Variants in MYO15A observed in about 807,000 individuals in gnomAD.
The protein encoded by MYO15A is unconventional myosin-XV.
MYO15A carries 308 observed loss-of-function variants against 394.6 expected under a neutral mutation model. That is an observed-to-expected ratio of 0.78 (90% CI 0.71 to 0.86). MYO15A has a LOEUF of 0.86. MYO15A is among the 40% of genes least tolerant of loss of function. The probability of loss-of-function intolerance (pLI) is 0.00; values close to 1 mark genes in which losing one functional copy is unlikely to be tolerated. For missense variants in MYO15A, 4,606 were observed against 4,799.1 expected (o/e 0.96, Z 1.19); for synonymous variants, 1,957 against 2,003.8 (o/e 0.98, Z 0.62).
Position 18,153,797 on chromosome 17 carries a change from G to T in MYO15A, c.7989G>T (p.Glu2663Asp), listed in dbSNP as rs773408086. Residue 2663 changes from glutamate (E) to aspartate (D), a missense_variant, in exon 43 of 66, where the codon GAG (glutamate) becomes GAT (aspartate). Around this residue, in one of 2 missense-constraint regions of MYO15A, gnomAD observed 2,776 missense variants for 3,109.3 expected, o/e 0.89. Transcript: ENST00000647165. This position sits in a 1 kb window ranked among gnomAD's most constrained non-coding sequence, Gnocchi z 4.1. The stretch of plus-strand genomic sequence containing the variant: ...CAGCTCTGCCCTCGCGATCGCTGGA[G>T]CCCCCTGAGGAACTCACGCAGACGC... ...PTSALPSRSL[E>D]PPEELTQTRL... is the part of the protein sequence containing the mutation. 1.2e-6 allele frequency: 2 copies of T among 1,613,672 alleles called. No individual in the cohort carries two copies. Among genetic ancestry groups the T allele is most frequent in the African/African-American group, 1.3e-5 (1 of 75,030 alleles).
intron 1 of MYO15A, among the ~76,000 whole-genome samples, chr17:18,114,068 C>A (rs922176381): frequency 6.6e-6 from 1 of 152,024 alleles, no homozygotes; most frequent in African/African-American, 2.4e-5. Flanking sequence ...AAGAGAGATC[C>A]CCAGGGGTGG....
chr17:18,122,678 G>A (rs976745671), intron 2 of MYO15A: 30 of 514,446 alleles, frequency 5.8e-5, no homozygotes, highest in Non-Finnish European at 9.5e-5. Context: ...GTTCATATTC[G>A]GCTTGGGCCC....
chr17:18,165,867 C>G (rs1267903318), intron 60 of MYO15A, among the ~76,000 whole-genome samples: 1 of 152,170 alleles, frequency 6.6e-6, no homozygotes, highest in Admixed American at 6.5e-5. Context: ...GGCTCAGACC[C>G]CAGTCCTCCC....
In MYO15A at chr17:18,158,851, T is replaced by A; in HGVS notation, c.9084-74T>A. ...GGGTCAAGAACCCCCTCCCTGGGGG[T>A]TCTTTCCCATGTGGAAAAGGATGTA... On this transcript the variant is annotated intron_variant, in intron 52 of 65. Transcript: ENST00000647165. The A allele has an allele frequency of 3.8e-6, 6 of 1,570,810 alleles. No homozygotes were observed. The South Asian group carries it at 5.5e-5, about 15-fold the overall frequency.
intron 65 of MYO15A, among the ~76,000 whole-genome samples, chr17:18,174,869 G>C (rs1379413889): frequency 6.6e-6 from 1 of 152,166 alleles, no homozygotes; most frequent in African/African-American, 2.4e-5. Context: ...AAGAGAGAGA[G>C]ACTTCCACTG....
In MYO15A at chr17:18,135,723, G is replaced by A. The variant is rs371661351; in HGVS notation, c.4495G>A (p.Glu1499Lys). The A allele has an allele frequency of 6.2e-6, 10 of 1,614,054 alleles. No individual in the cohort carries two copies. The Admixed American group carries it at 6.7e-5, about 11-fold the overall frequency. ...GTATTTTGCATAGACGGATGCACAG[G>A]AGGTGGCCTCAGTGGTGAGTGCCCG... ...YFEKYETDAQ[E>K]VASVVSAREI... Residue 1499 changes from glutamate to lysine, a missense_variant, in exon 13 of 66, where the codon GAG becomes AAG. Around this residue, in one of 2 missense-constraint regions of MYO15A, gnomAD observed 2,776 missense variants for 3,109.3 expected, o/e 0.89. Transcript: ENST00000647165.
In MYO15A at chr17:18,121,302, C is replaced by A. The variant is rs2045924725; in HGVS notation, c.2502C>A (p.Gly834=). 6 of 1,333,068 alleles carry A rather than the reference C, an allele frequency of 4.5e-6. No individual in the cohort carries two copies. The South Asian group carries it at 1.1e-4, about 24-fold the overall frequency. 82.6% of individuals were successfully genotyped at this position (1,333,068 alleles called of 1,614,324 possible). ...CACGCCGAGCCGCTGGGCGCCTGGGCCCACCCGGCTCGCCGCTGCCGGGCT... is the reference window on the plus strand; with the variant it reads ...CACGCCGAGCCGCTGGGCGCCTGGGACCACCCGGCTCGCCGCTGCCGGGCT... The part of the protein sequence containing the change: ...PAPRRAAGRL[G]PPGSPLPGSP... The change falls in exon 2 of 66, where the codon GGC becomes GGA. Residue 834 remains glycine, a synonymous_variant. Transcript: ENST00000647165. This position sits in a 1 kb window ranked among gnomAD's most constrained non-coding sequence, Gnocchi z 5.3.
Position 18,142,854 on chromosome 17 carries a change from C to G in MYO15A, c.5910+14C>G. ...CGCTATCTCAAGGTATAGGCCCTAC[C>G]CTATCTGGGTCCAAGGGGACAGCAG... On this transcript the variant is annotated intron_variant, in intron 25 of 65. Transcript: ENST00000647165. 1 of 1,604,646 alleles carries G rather than the reference C, an allele frequency of 6.2e-7. No individual in the cohort carries two copies. The highest frequency in any genetic ancestry group is 1.1e-5 in the South Asian group (1 of 89,428).
intron 62 of MYO15A, among the ~76,000 whole-genome samples, chr17:18,169,203 T>G (rs1279205749): frequency 6.6e-6 from 1 of 150,486 alleles, no homozygotes; most frequent in East Asian, 1.9e-4. Context: ...TCCCAGCACT[T>G]TGGGAGGTCG....
At chr17:18,155,061 T>C in intron 45 of MYO15A, 49 bp from the exon 46 acceptor site, 1 of 1,541,856 alleles carries the variant, frequency 6.5e-7, no homozygotes, top group Non-Finnish European at 8.9e-7. Flanking sequence ...GAGATGGGGG[T>C]TGCCAGGGGA....
intron 62 of MYO15A, among the ~76,000 whole-genome samples, chr17:18,171,417 C>A (rs1286463456): frequency 6.6e-6 from 1 of 152,214 alleles, no homozygotes; most frequent in Non-Finnish European, 1.5e-5. Flanking sequence ...GTTCCCTTAA[C>A]TGCAAACAGG....
Position 18,179,209 on chromosome 17 carries a change from A to G in MYO15A, c.*339A>G, listed in dbSNP as rs2047056529. ...CTCCTGCCTATGACACAGAAGCCCC[A>G]CACCAGTTGCCCAGATGAACTGGCC... On this transcript the variant is annotated 3_prime_UTR_variant, in exon 66 of 66. Transcript: ENST00000647165. 1.4e-5 allele frequency: 6 copies of G among 421,342 alleles called. No homozygotes were observed. Among genetic ancestry groups the G allele is most frequent in the Non-Finnish European group, 4.5e-6 (1 of 224,072 alleles). 26.1% of individuals were successfully genotyped at this position (421,342 alleles called of 1,614,324 possible).
At chr17:18,140,969 T>G (rs749129147) in intron 21 of MYO15A, 50 bp from the exon 22 acceptor site, 18 of 1,613,064 alleles carry the variant, frequency 1.1e-5, no homozygotes, top group Non-Finnish European at 1.5e-5. Context: ...TAATGCCTTT[T>G]GCACATGGCT....
intron 57 of MYO15A, among the ~76,000 whole-genome samples, chr17:18,162,211 G>A (rs370164649): frequency 6.6e-6 from 1 of 152,156 alleles, no homozygotes. Context: ...GCAGCTGGCA[G>A]GGTATCCCAG....
intron 7 of MYO15A, 132 bp from the exon 8 acceptor site, chr17:18,130,673 C>A: frequency 6.6e-7 from 1 of 1,505,822 alleles, no homozygotes; most frequent in Non-Finnish European, 9.1e-7. Flanking sequence ...GTCTCTGAGC[C>A]TCACAGGTTT....
chr17:18,158,848 G>A lies in MYO15A; in HGVS notation c.9084-77G>A. 2.6e-6 allele frequency: 4 copies of A among 1,560,994 alleles called. No homozygotes were observed. The South Asian group carries it at 3.3e-5, about 13-fold the overall frequency. On this transcript the variant is annotated intron_variant, in intron 52 of 65. Coordinates refer to ENST00000647165, the MANE Select transcript of MYO15A (RefSeq NM_016239.4). ...GGTGGGTCAAGAACCCCCTCCCTGG[G>A]GGTTCTTTCCCATGTGGAAAAGGAT...
At position 18,120,285 on chromosome 17, in the gene MYO15A, G is replaced by GC; in HGVS notation, c.1489dup (p.Leu497ProfsTer64). 1 of 1,611,874 alleles carries GC rather than the reference G, an allele frequency of 6.2e-7. No homozygotes were observed. Among genetic ancestry groups the GC allele is most frequent in the African/African-American group, 1.3e-5 (1 of 75,068 alleles). ...TGTTTGGGAAGGAGAAGCTGGAGGT[G>GC]CCCCTGCCACCCTCTCTGGACATTC... On this transcript the variant is annotated frameshift_variant, in exon 2 of 66. Transcript: ENST00000647165. LOFTEE classifies it high-confidence loss of function.
chr17:18,160,496 A>G (rs1597813233), intron 56 of MYO15A, among the ~76,000 whole-genome samples: 1 of 152,228 alleles, frequency 6.6e-6, no homozygotes, highest in East Asian at 1.9e-4. Context: ...GCAATCCCAG[A>G]GAAAGCAAGA....
Position 18,127,163 on chromosome 17 carries a change from C to A in MYO15A, c.4030C>A (p.Gln1344Lys). ...GAACCAGAAACGGGAGGTCATGCAG[C>A]AGGTGAGTCTACCTGTCTCCCCAGG... ...AMNQKREVMQ[Q>K]IKILEATPLL... is the part of the protein sequence containing the mutation. Residue 1344 changes from glutamine (Q) to lysine (K), a missense_variant and splice_region_variant, in exon 7 of 66, where the codon CAG becomes AAG. Physicochemically the swap from Gln to Lys is moderately conservative, Grantham distance 53. Around this residue, in one of 2 missense-constraint regions of MYO15A, gnomAD observed 2,776 missense variants for 3,109.3 expected, o/e 0.89. Coordinates refer to ENST00000647165, the MANE Select transcript of MYO15A (RefSeq NM_016239.4). 1 of 1,613,972 alleles carries A rather than the reference C, an allele frequency of 6.2e-7. No homozygotes were observed. Among genetic ancestry groups the A allele is most frequent in the Non-Finnish European group, 8.5e-7 (1 of 1,180,006 alleles).
Sources: gnomAD v4.1 joint callset for allele counts (sites outside exome capture counted in the v4.1 genomes callset) on GRCh38, gnomAD v4.1.1 for gene constraint, gnomAD v4.1.1 regional missense constraint, Gnocchi (gnomAD v3.1) non-coding constraint, MANE v1.5 for transcripts, NCBI Gene and HGNC (gene_info 2026-07-23, HGNC 2026-07-21) for gene names.